Variants in OPCML observed in about 807,000 individuals in gnomAD.
OPCML encodes the protein opioid binding protein/cell adhesion molecule like.
OPCML carries 13 observed loss-of-function variants against 37.8 expected under a neutral mutation model. The ratio of observed to expected loss-of-function variants is 0.34; its 90% CI spans 0.22 to 0.55. OPCML has a LOEUF of 0.55. Among genes scored for constraint, OPCML ranks in the 20% least tolerant of loss-of-function variants. The pLI, the probability that OPCML is intolerant of heterozygous loss-of-function variation, is 0.91. For missense variants in OPCML, 341 were observed against 435.6 expected (o/e 0.78, Z 1.93); for synonymous variants, 176 against 168.8 (o/e 1.04, Z -0.33).
At chr11:133,464,957 G>A (rs7120430) in intron 1 of OPCML, among the ~76,000 whole-genome samples, 3,147 of 152,208 alleles carry the variant, frequency 0.021, 106 homozygotes, top group African/African-American at 0.072. Context: ...TGACATGAGC[G>A]TGAGGGGCTA....
chr11:133,137,093 C>T (rs1383360949), intron 1 of OPCML, among the ~76,000 whole-genome samples: 1 of 152,134 alleles, frequency 6.6e-6, no homozygotes, highest in Admixed American at 6.5e-5. Context: ...GGTTTAGCTC[C>T]TATTTAACAA....
At chr11:132,427,853 T>A (rs1471877842) in intron 7 of OPCML, among the ~76,000 whole-genome samples, 1 of 152,160 alleles carries the variant, frequency 6.6e-6, no homozygotes, top group Non-Finnish European at 1.5e-5. Context: ...TCATCAAGAA[T>A]GAAATGGGAA....
rs556006242 is a variant in OPCML, at chr11:132,792,250, T to G, written c.147-134931A>C. Among the ~76,000 whole-genome samples the G allele has an allele frequency of 1.4e-4, 21 of 152,278 alleles. No individual in the cohort carries two copies. In the East Asian group the frequency reaches 3.9e-3, roughly 28 times the overall value. Reference sequence around the variant, plus strand: ...AATTACTGCTACCTGTGTTCTGTATTGAAACCACTTATTCCACCTTCTTGT... The same window carrying G: ...AATTACTGCTACCTGTGTTCTGTATGGAAACCACTTATTCCACCTTCTTGT... On this transcript the variant is annotated intron_variant, in intron 2 of 7. Coordinates refer to ENST00000524381, the MANE Select transcript of OPCML (RefSeq NM_001012393.5).
chr11:133,026,373 G>C lies in OPCML; in HGVS notation c.62-83363C>G, dbSNP rs1370638701. 4.1e-6 allele frequency: 4 copies of C among 984,522 alleles called. No homozygotes were observed. In the African/African-American group the frequency reaches 7.0e-5, roughly 17 times the overall value. 61.0% of individuals were successfully genotyped at this position (984,522 alleles called of 1,614,324 possible). A position where few individuals can be genotyped will look rare whatever the true frequency, so the allele number is the denominator to read the frequency against. ...ACGCGTAATACCCTGAAGGGTGGTG[G>C]TCTGATTGACGAGTGAGCACCTTGC... On this transcript the variant is annotated intron_variant, in intron 1 of 7. Transcript: ENST00000524381.
At chr11:132,821,930 A>G (rs1940011504) in intron 2 of OPCML, among the ~76,000 whole-genome samples, 1 of 152,196 alleles carries the variant, frequency 6.6e-6, no homozygotes, top group Admixed American at 6.5e-5. Flanking sequence ...GAAGAAATTA[A>G]TGGTAATTAC....
chr11:132,703,930 C>G (rs564147032), intron 2 of OPCML, among the ~76,000 whole-genome samples: 8 of 152,294 alleles, frequency 5.3e-5, no homozygotes, highest in South Asian at 4.2e-4. Context: ...ATGAAGGTGA[C>G]TTGGTACTGG....
chr11:133,425,807 C>A (rs1945991264), intron 1 of OPCML, among the ~76,000 whole-genome samples: 1 of 152,100 alleles, frequency 6.6e-6, no homozygotes, highest in Non-Finnish European at 1.5e-5. Flanking sequence ...ACATTCATCT[C>A]CTTGATTTAA....
Position 132,454,556 on chromosome 11 carries a change from G to A in OPCML, c.506-17197C>T, listed in dbSNP as rs755771582. On this transcript the variant is annotated intron_variant, in intron 4 of 7. Coordinates refer to ENST00000524381, the MANE Select transcript of OPCML (RefSeq NM_001012393.5). ...ACACACTGCTCACTGCGACAGCCTC[G>A]CAGAGGGCTCCCAGCTGAGGACAGA... Among the ~76,000 whole-genome samples, 77 of 152,322 alleles carry A rather than the reference G, an allele frequency of 5.1e-4. 1 individual carries two copies. The highest frequency in any genetic ancestry group is 2.1e-4 in the South Asian group (1 of 4,830).
rs191694862 is a variant in OPCML, at chr11:133,031,317, T to G, written c.62-88307A>C. 2.0e-5 allele frequency among the ~76,000 whole-genome samples: 3 copies of G among 151,578 alleles called. No homozygotes were observed. The East Asian group carries it at 5.9e-4, about 30-fold the overall frequency. ...GTGGATGGATAGATGGATGGGTGGT[T>G]GGTGAATGGATGGATTGATGGGTGT... On this transcript the variant is annotated intron_variant, in intron 1 of 7. Transcript: ENST00000524381.
At chr11:133,253,769 G>A (rs998316505) in intron 1 of OPCML, among the ~76,000 whole-genome samples, 3 of 150,952 alleles carry the variant, frequency 2.0e-5, no homozygotes, top group Non-Finnish European at 4.4e-5. Context: ...GTGCAGGGAA[G>A]CATTGTTAAA....
chr11:132,592,013 T>A (rs1200019551), intron 3 of OPCML, among the ~76,000 whole-genome samples: 1 of 152,142 alleles, frequency 6.6e-6, no homozygotes, highest in Non-Finnish European at 1.5e-5. Context: ...ATAGATTCTG[T>A]TTCTAGGCAA....
intron 3 of OPCML, among the ~76,000 whole-genome samples, chr11:132,536,295 A>G (rs564303204): frequency 3.9e-5 from 6 of 152,350 alleles, no homozygotes; most frequent in Middle Eastern, 3.4e-3. Context: ...TTAAGACTGT[A>G]TGTCAGAGTT....
chr11:132,900,322 G>A (rs1430140388), intron 2 of OPCML, among the ~76,000 whole-genome samples: 3 of 152,068 alleles, frequency 2.0e-5, no homozygotes, highest in Admixed American at 2.0e-4. Context: ...CCTCTGATAT[G>A]CAGTCTATCA....
chr11:133,252,667 G>A (rs955553885), intron 1 of OPCML, among the ~76,000 whole-genome samples: 1 of 152,154 alleles, frequency 6.6e-6, no homozygotes. Context: ...CTCCAGTCTA[G>A]TTTCTGCCTA....
intron 1 of OPCML, among the ~76,000 whole-genome samples, chr11:133,289,810 A>G (rs1047599558): frequency 1.3e-5 from 2 of 152,058 alleles, no homozygotes; most frequent in Admixed American, 1.3e-4. Flanking sequence ...TTGGTGTTTT[A>G]AAAATTCTAA....
chr11:133,274,501 G>T (rs1460980290), intron 1 of OPCML, among the ~76,000 whole-genome samples: 1 of 152,176 alleles, frequency 6.6e-6, no homozygotes, highest in African/African-American at 2.4e-5. Context: ...TCAAAGAGGG[G>T]TTCTCCCCTG....
At chr11:132,493,100 A>T (rs1192005260) in intron 4 of OPCML, among the ~76,000 whole-genome samples, 1 of 152,198 alleles carries the variant, frequency 6.6e-6, no homozygotes, top group Non-Finnish European at 1.5e-5. Context: ...TAAATATTTC[A>T]TGTCCGTCTT....
intron 1 of OPCML, chr11:133,026,325 G>C (rs1355206550): frequency 1.1e-6 from 1 of 943,348 alleles, no homozygotes; most frequent in Non-Finnish European, 1.3e-6. Context: ...GTCAACATTT[G>C]ATAGTTTTCC....
rs1010515661 is a variant in OPCML, at chr11:132,529,274, G to T, written c.380-88C>A. 30 of 1,453,014 alleles carry T rather than the reference G, an allele frequency of 2.1e-5. No individual in the cohort carries two copies. The East Asian group carries it at 7.4e-4, about 36-fold the overall frequency. The allele number at this position is 1,453,014 out of a possible 1,614,324, so 90.0% of individuals were successfully genotyped here. ...TAGCCTACAAATTTTTGTATAGCAT[G>T]TTTTTATAATAAATATTGTTTGCAG... On this transcript the variant is annotated intron_variant, in intron 3 of 7. Coordinates refer to ENST00000524381, the MANE Select transcript of OPCML (RefSeq NM_001012393.5).
Sources: allele counts gnomAD v4.1 joint callset (sites outside exome capture counted in the v4.1 genomes callset), GRCh38; gene constraint gnomAD v4.1.1; transcripts MANE v1.5; gene names NCBI Gene and HGNC (gene_info 2026-07-23, HGNC 2026-07-21).